Variants in DPP6 observed in about 807,000 individuals in gnomAD.
DPP6 encodes A-type potassium channel modulatory protein DPP6.
In DPP6, 69 loss-of-function variants were observed where a neutral mutation model predicts 122.6. The observed-to-expected ratio is 0.56, with a 90% CI of 0.46 to 0.69. The LOEUF (loss-of-function observed/expected upper bound fraction) is 0.69, where lower values mean the gene tolerates loss of function less well. DPP6 is among the 30% of genes least tolerant of loss of function. The probability of loss-of-function intolerance (pLI) is 0.00; values close to 1 mark genes in which losing one functional copy is unlikely to be tolerated. For synonymous variants in DPP6, 418 were observed against 433.1 expected, an observed-to-expected ratio of 0.97 and a Z score of 0.43; for missense variants, 928 against 1,116.9, an observed-to-expected ratio of 0.83 and a Z score of 2.41.
At chr7:153,764,405 C>G in the DPP6 span, among the ~76,000 whole-genome samples, 2 of 151,798 alleles carry the variant, frequency 1.3e-5, no homozygotes, top group Non-Finnish European at 2.9e-5. Context: ...TCTGCACTCG[C>G]CGGTCCTCCC....
intron 1 of DPP6, among the ~76,000 whole-genome samples, chr7:154,317,629 A>C (rs1220649881): frequency 6.6e-6 from 1 of 152,244 alleles, no homozygotes; most frequent in Non-Finnish European, 1.5e-5. Flanking sequence ...GTACTTATTG[A>C]AATCTAATGG....
At position 154,879,588 on chromosome 7, in the gene DPP6, CAAA is replaced by C. The variant is rs778157355; in HGVS notation, c.2079-1280_2079-1278del. ...CCTGGGCGACAGCGAGACTCCGTCTCAAAAAAAAAAAAAAAAAAAAAACACAAA... is the reference window on the plus strand; with the variant it reads ...CCTGGGCGACAGCGAGACTCCGTCTCAAAAAAAAAAAAAAAAAAACACAAA... On this transcript the variant is annotated intron_variant, in intron 20 of 25. Coordinates refer to ENST00000377770, the MANE Select transcript of DPP6 (RefSeq NM_130797.4). Among the ~76,000 whole-genome samples, 401 of 41,586 alleles carry C rather than the reference CAAA, an allele frequency of 9.6e-3. 10 individuals are homozygous for C. Among genetic ancestry groups the C allele is most frequent in the African/African-American group, 0.05 (377 of 7,544 alleles). The allele number at this position is 41,586 out of a possible 152,430, so 27.3% of individuals were successfully genotyped here.
At chr7:154,021,290 C>T (rs1451414678) in intron 1 of DPP6, among the ~76,000 whole-genome samples, 2 of 152,130 alleles carry the variant, frequency 1.3e-5, no homozygotes, top group African/African-American at 2.4e-5. Context: ...ATTTAGTGGA[C>T]GAGGACAGGA....
intron 5 of DPP6, among the ~76,000 whole-genome samples, chr7:154,620,343 C>A (rs185741388): frequency 5.3e-5 from 8 of 152,188 alleles, no homozygotes; most frequent in African/African-American, 1.9e-4. Context: ...CGTAATCATA[C>A]GGCTTCCGAA....
intron 1 of DPP6, among the ~76,000 whole-genome samples, chr7:154,357,669 C>T (rs985783318): frequency 2.6e-5 from 4 of 151,800 alleles, no homozygotes; most frequent in Non-Finnish European, 4.4e-5. Context: ...TTAGCTGGGC[C>T]TGGTGGCTCA....
chr7:153,795,695 G>A, the DPP6 span, among the ~76,000 whole-genome samples: 1 of 152,050 alleles, frequency 6.6e-6, no homozygotes, highest in Non-Finnish European at 1.5e-5. Flanking sequence ...AAACCAAGAT[G>A]TTGATTTGAA....
intron 7 of DPP6, among the ~76,000 whole-genome samples, chr7:154,688,507 ATTAG>A (rs1201484149): frequency 1.3e-5 from 2 of 152,134 alleles, no homozygotes; most frequent in Non-Finnish European, 2.9e-5. Flanking sequence ...GTTCAGACTA[ATTAG>A]TTAGAGGGAC....
At chr7:153,919,440 A>T (rs184444204) in intron 1 of DPP6, among the ~76,000 whole-genome samples, 21 of 152,324 alleles carry the variant, frequency 1.4e-4, no homozygotes, top group Admixed American at 1.1e-3. Flanking sequence ...GTGAGTCCTT[A>T]AACACCAGTT....
chr7:154,535,800 C>A (rs1411794232), intron 3 of DPP6, among the ~76,000 whole-genome samples: 2 of 151,986 alleles, frequency 1.3e-5, no homozygotes, highest in South Asian at 4.2e-4. Flanking sequence ...CATCAAAATG[C>A]AAATTAAAAC....
At chr7:153,887,757 G>C in intron 1 of DPP6, 1 of 1,611,736 alleles carries the variant, frequency 6.2e-7, no homozygotes, top group African/African-American at 1.3e-5. Context: ...GACAGGGCGC[G>C]CGCTGGGTCG....
At chr7:154,174,407 G>C (rs1453872633) in intron 1 of DPP6, among the ~76,000 whole-genome samples, 7 of 152,160 alleles carry the variant, frequency 4.6e-5, no homozygotes, top group African/African-American at 1.7e-4. Flanking sequence ...GTAGTGTGAA[G>C]TAGATCCACA....
At chr7:154,266,817 T>G (rs1803452224) in intron 1 of DPP6, among the ~76,000 whole-genome samples, 1 of 152,234 alleles carries the variant, frequency 6.6e-6, no homozygotes, top group African/African-American at 2.4e-5. Flanking sequence ...AAGTCAAAAC[T>G]ATTTTCATAA....
In DPP6 at chr7:154,801,386, G is replaced by A. The variant is rs769118239; in HGVS notation, c.1331G>A (p.Arg444Gln). The A allele has an allele frequency of 9.4e-6, 15 of 1,595,708 alleles. No individual in the cohort carries two copies. Among genetic ancestry groups the A allele is most frequent in the Middle Eastern group, 1.7e-4 (1 of 6,058 alleles). Reference protein sequence around the residue: ...NEEPVFSKDGRKFFFIRAIPQ... With the variant: ...NEEPVFSKDGQKFFFIRAIPQ... The stretch of plus-strand genomic sequence containing the variant: ...GAACCTGTGTTCTCCAAGGATGGCC[G>A]AAAGTTTTTCTTCATCAGAGCCATC... The change falls in exon 13 of 26, where the codon CGA (arginine) becomes CAA (glutamine). Residue 444 changes from arginine (R) to glutamine (Q), a missense_variant. By Grantham distance (43) the Arg-to-Gln change is conservative (BLOSUM62 1). Coordinates refer to ENST00000377770, the MANE Select transcript of DPP6 (RefSeq NM_130797.4).
At chr7:154,652,681 T>A (rs115689644) in intron 6 of DPP6, among the ~76,000 whole-genome samples, 2,010 of 152,236 alleles carry the variant, frequency 0.013, 38 homozygotes, top group African/African-American at 0.046. Context: ...TTCTGAGCAC[T>A]GTGAGAGCCT....
intron 20 of DPP6, among the ~76,000 whole-genome samples, chr7:154,878,666 C>A (rs1248541996): frequency 6.6e-6 from 1 of 152,214 alleles, no homozygotes; most frequent in African/African-American, 2.4e-5. Context: ...GCCAGCCTCC[C>A]ACGAGCAGCT....
the DPP6 span, among the ~76,000 whole-genome samples, chr7:153,838,370 G>T: frequency 6.6e-6 from 1 of 152,132 alleles, no homozygotes; most frequent in African/African-American, 2.4e-5. Context: ...TTTCAGTGGA[G>T]ATTTCAGTGA....
chr7:154,390,790 A>G (rs1814549932), intron 1 of DPP6, among the ~76,000 whole-genome samples: 1 of 151,994 alleles, frequency 6.6e-6, no homozygotes, highest in Non-Finnish European at 1.5e-5. Context: ...CATGACCCCC[A>G]TCCTGTATCA....
chr7:154,627,496 C>G (rs890420752), intron 5 of DPP6, among the ~76,000 whole-genome samples: 1 of 152,100 alleles, frequency 6.6e-6, no homozygotes, highest in African/African-American at 2.4e-5. Flanking sequence ...CCACGCCCGG[C>G]CTTTTTTCCT....
chr7:154,468,766 A>T lies in DPP6; in HGVS notation c.359-6173A>T, dbSNP rs145157417. Among the ~76,000 whole-genome samples the T allele has an allele frequency of 9.8e-5, 15 of 152,324 alleles. No homozygotes were observed. The East Asian group carries it at 2.9e-3, about 29-fold the overall frequency. ...TAATGCTGATGACTTAGTTTCTACC[A>T]TTTCAATAAAAAGTATTATGTGACT... On this transcript the variant is annotated intron_variant, in intron 2 of 25. Transcript: ENST00000377770.
Sources: gnomAD v4.1 joint callset for allele counts (sites outside exome capture counted in the v4.1 genomes callset) on GRCh38, gnomAD v4.1.1 for gene constraint, MANE v1.5 for transcripts, NCBI Gene and HGNC (gene_info 2026-07-23, HGNC 2026-07-21) for gene names.